Variants in SHANK2 observed in about 807,000 individuals in gnomAD.
The protein encoded by SHANK2 is SH3 and multiple ankyrin repeat domains 2, also known as SH3 and multiple ankyrin repeat domains protein 2.
SHANK2 carries 43 observed loss-of-function variants against 133.7 expected under a neutral mutation model. The observed-to-expected ratio is 0.32, with a 90% CI of 0.25 to 0.41. The LOEUF (loss-of-function observed/expected upper bound fraction) is 0.41, where lower values mean the gene tolerates loss of function less well. SHANK2 is among the 10% of genes least tolerant of loss of function. The pLI is 1.00. For missense variants in SHANK2, 1,994 were observed against 2,235.8 expected (o/e 0.89, Z 2.18); for synonymous variants, 1,017 against 952.8 (o/e 1.07, Z -1.24).
intron 17 of SHANK2, 78 bp from the exon 18 acceptor site, chr11:70,503,009 C>T (rs2059083319): frequency 1.3e-6 from 2 of 1,525,316 alleles, no homozygotes; most frequent in Non-Finnish European, 1.8e-6. Context: ...AAGGCAGAGA[C>T]ATGTGGGCTC....
intron 17 of SHANK2, among the ~76,000 whole-genome samples, chr11:70,619,899 G>A (rs1416038760): frequency 2.6e-5 from 4 of 152,214 alleles, no homozygotes; most frequent in African/African-American, 7.2e-5. Context: ...GGAGGAGCAC[G>A]TTTGGGGCTC....
intron 17 of SHANK2, among the ~76,000 whole-genome samples, chr11:70,576,375 C>T (rs1271972158): frequency 1.3e-5 from 2 of 152,128 alleles, no homozygotes; most frequent in Non-Finnish European, 2.9e-5. Flanking sequence ...ACACTCATGC[C>T]TGTAATCCCA....
chr11:71,190,675 G>A (rs141269420), intron 2 of SHANK2, among the ~76,000 whole-genome samples: 8 of 152,280 alleles, frequency 5.3e-5, no homozygotes, highest in East Asian at 1.9e-4. Flanking sequence ...CCTGCAGGCC[G>A]TGACAGAATG....
chr11:70,917,809 A>G (rs1950290326), intron 10 of SHANK2, among the ~76,000 whole-genome samples: 1 of 152,216 alleles, frequency 6.6e-6, no homozygotes, highest in Non-Finnish European at 1.5e-5. Context: ...AATGTTAAGA[A>G]CACATGGACA....
chr11:70,580,019 G>T (rs2060163391), intron 17 of SHANK2, among the ~76,000 whole-genome samples: 1 of 152,222 alleles, frequency 6.6e-6, no homozygotes, highest in African/African-American at 2.4e-5. Context: ...AGGCCAGTGA[G>T]CCCTGCATTG....
chr11:70,571,310 T>A (rs2136180359), intron 17 of SHANK2: 1 of 152,324 alleles, frequency 6.6e-6, no homozygotes, highest in East Asian at 1.9e-4. Flanking sequence ...GTATTCACCT[T>A]AGAGGCTGAG....
chr11:70,791,500 T>A (rs558285880), intron 14 of SHANK2, among the ~76,000 whole-genome samples: 3 of 152,338 alleles, frequency 2.0e-5, no homozygotes, highest in African/African-American at 7.2e-5. Flanking sequence ...CTCTGTCTCT[T>A]ACGCACAGAA....
chr11:70,898,311 C>CACACACACACAT (rs1489858585), intron 10 of SHANK2, among the ~76,000 whole-genome samples: 1 of 145,074 alleles, frequency 6.9e-6, no homozygotes, highest in Non-Finnish European at 1.5e-5. Flanking sequence ...CACACACACA[C>CACACACACACAT]ATATATATAT....
intron 8 of SHANK2, among the ~76,000 whole-genome samples, chr11:71,084,695 C>T (rs1951353858): frequency 6.6e-6 from 1 of 152,150 alleles, no homozygotes; most frequent in South Asian, 2.1e-4. Context: ...ATTTCTTCTG[C>T]CACAAATGTG....
chr11:70,479,138 C>T lies in SHANK2; in HGVS notation c.4980-5699G>A, dbSNP rs921847641. On this transcript the variant is annotated intron_variant, in intron 25 of 25. Coordinates refer to ENST00000601538, the MANE Select transcript of SHANK2 (RefSeq NM_012309.5). This position sits in a 1 kb window ranked among gnomAD's most constrained non-coding sequence, Gnocchi z 4.4. ...CGATGGACGCACATCCTGACTAGTG[C>T]TCCCAGCCACCCACAGTCGCATTCA... 6.6e-6 allele frequency among the ~76,000 whole-genome samples: 1 copy of T among 152,192 alleles called. No individual in the cohort carries two copies. The highest frequency in any genetic ancestry group is 1.5e-5 in the Non-Finnish European group (1 of 68,040).
intron 17 of SHANK2, among the ~76,000 whole-genome samples, chr11:70,507,743 C>T (rs2000605): frequency 0.45 from 68,681 of 152,092 alleles, 18,747 homozygotes; most frequent in Non-Finnish European, 0.6. Context: ...AAAGTGGCCC[C>T]GAATCTTGCA....
At chr11:70,608,155 TC>T (rs1276435077) in intron 17 of SHANK2, among the ~76,000 whole-genome samples, 1 of 152,198 alleles carries the variant, frequency 6.6e-6, no homozygotes, top group Non-Finnish European at 1.5e-5. Flanking sequence ...TTTTTCTTTT[TC>T]TTTGTTTTCT....
At chr11:71,196,488 G>T (rs572665846) in intron 2 of SHANK2, among the ~76,000 whole-genome samples, 3 of 152,032 alleles carry the variant, frequency 2.0e-5, no homozygotes, top group East Asian at 4.0e-4. Flanking sequence ...GTTTCATCAG[G>T]TTGGCCAGTC....
chr11:71,101,046 C>T (rs942190628), intron 6 of SHANK2, among the ~76,000 whole-genome samples: 5 of 150,894 alleles, frequency 3.3e-5, no homozygotes, highest in Admixed American at 6.6e-5. Flanking sequence ...TGTCCAAACC[C>T]ATAACATGAG....
chr11:70,635,900 C>A (rs1555003828), intron 17 of SHANK2, among the ~76,000 whole-genome samples: 1 of 152,234 alleles, frequency 6.6e-6, no homozygotes, highest in Non-Finnish European at 1.5e-5. Flanking sequence ...TTGCCCTAGG[C>A]CTTGACACAG....
At chr11:70,537,967 CAGCGAGAG>C (rs1554974474) in intron 17 of SHANK2, among the ~76,000 whole-genome samples, 1 of 152,214 alleles carries the variant, frequency 6.6e-6, no homozygotes, top group Non-Finnish European at 1.5e-5. Context: ...ATTGAGAGGG[CAGCGAGAG>C]ACCCCATGAG....
chr11:70,818,452 G>T (rs1269226509), intron 12 of SHANK2, among the ~76,000 whole-genome samples: 1 of 152,178 alleles, frequency 6.6e-6, no homozygotes. Context: ...AGCACATCTA[G>T]TCTGCAGCCA....
intron 10 of SHANK2, among the ~76,000 whole-genome samples, chr11:70,923,469 T>G (rs974663098): frequency 6.6e-6 from 1 of 152,196 alleles, no homozygotes; most frequent in African/African-American, 2.4e-5. Flanking sequence ...CTCAAACTCC[T>G]GACCTCAAGT....
At chr11:71,073,122 TTTTTG>T (rs1951164018) in intron 9 of SHANK2, among the ~76,000 whole-genome samples, 1 of 148,672 alleles carries the variant, frequency 6.7e-6, no homozygotes, top group African/African-American at 2.5e-5. Flanking sequence ...GAAGGCTTGC[TTTTTG>T]TTTTTTTTCT....
Sources: gnomAD v4.1 joint callset for allele counts (sites outside exome capture counted in the v4.1 genomes callset) on GRCh38, gnomAD v4.1.1 for gene constraint, Gnocchi (gnomAD v3.1) non-coding constraint, MANE v1.5 for transcripts, NCBI Gene and HGNC (gene_info 2026-07-23, HGNC 2026-07-21) for gene names.